The following TBCK variants were observed in gnomAD, a reference collection of about 807,000 sequenced individuals.
TBCK encodes the protein TBC domain-containing protein kinase-like protein.
TBCK carries 99 observed loss-of-function variants against 113.4 expected under a neutral mutation model. The observed-to-expected ratio is 0.87, with a 90% CI of 0.74 to 1.03. The LOEUF (loss-of-function observed/expected upper bound fraction) is 1.03. Among genes scored for constraint, TBCK ranks in the 50% least tolerant of loss-of-function variants. The pLI, the probability that TBCK is intolerant of heterozygous loss-of-function variation, is 0.00. For missense variants in TBCK, 1,045 were observed against 1,061.3 expected, an observed-to-expected ratio of 0.98 and a Z score of 0.21; for synonymous variants, 369 against 370.8, an observed-to-expected ratio of 1.00 and a Z score of 0.05.
At chr4:106,246,574 G>A (rs1760838617) in intron 10 of TBCK, among the ~76,000 whole-genome samples, 1 of 152,042 alleles carries the variant, frequency 6.6e-6, no homozygotes, top group Non-Finnish European at 1.5e-5. Context: ...GCTCAAATGT[G>A]TGTGTTTATG....
chr4:106,271,077 C>CT (rs1763426168), intron 3 of TBCK, among the ~76,000 whole-genome samples: 1 of 152,174 alleles, frequency 6.6e-6, no homozygotes, highest in South Asian at 2.1e-4. Context: ...ATGTAGAACT[C>CT]TGAGTTCTGC....
At chr4:106,073,861 C>T (rs1053396796) in intron 25 of TBCK, among the ~76,000 whole-genome samples, 7 of 152,186 alleles carry the variant, frequency 4.6e-5, no homozygotes, top group African/African-American at 7.2e-5. Context: ...CCTCACAGTT[C>T]GATCTCAGAC....
intron 2 of TBCK, 72 bp from the exon 3 acceptor site, chr4:106,295,238 A>G (rs1204663091): frequency 3.1e-5 from 40 of 1,295,294 alleles, no homozygotes; most frequent in Non-Finnish European, 4.2e-5. Context: ...AATACTCTCC[A>G]CTGATGATAT....
intron 3 of TBCK, among the ~76,000 whole-genome samples, chr4:106,263,294 CA>C (rs2150104904): frequency 6.6e-6 from 1 of 151,694 alleles, no homozygotes; most frequent in South Asian, 2.1e-4. Context: ...AATCCACAAA[CA>C]GGCAGAATAA....
intron 20 of TBCK, among the ~76,000 whole-genome samples, chr4:106,205,157 A>G (rs972640284): frequency 3.3e-5 from 5 of 152,316 alleles, no homozygotes; most frequent in African/African-American, 1.2e-4. Flanking sequence ...TGGAAAGCTA[A>G]TATCTGCCAC....
At chr4:106,046,969 G>A (rs931511018) in intron 25 of TBCK, among the ~76,000 whole-genome samples, 5 of 152,070 alleles carry the variant, frequency 3.3e-5, no homozygotes, top group African/African-American at 7.2e-5. Flanking sequence ...AGTAGTAAAG[G>A]GTATACAATG....
At position 106,230,430 on chromosome 4, in the gene TBCK, A is replaced by G. The variant is rs56312801; in HGVS notation, c.1707T>C (p.Cys569=). The G allele has an allele frequency of 8.5e-3, 13,556 of 1,602,528 alleles. 957 individuals carry two copies. In the African/African-American group the frequency reaches 0.15, roughly 18 times the overall value. Residue 569 remains cysteine, a synonymous_variant, in exon 19 of 26, where the codon TGT becomes TGC. Transcript: ENST00000394708. Reference sequence around the variant, plus strand: ...GGTATTTGGGAATAAAAGCAGACATACATGCATAAGCCAAGGCTAAAAGAG... The same window carrying G: ...GGTATTTGGGAATAAAAGCAGACATGCATGCATAAGCCAAGGCTAAAAGAG... The part of the protein sequence containing the change: ...NFNNEALAYA[C]MSAFIPKYLY...
In TBCK at chr4:106,191,240, G is replaced by A. The variant is rs77551174; in HGVS notation, c.2059+2369C>T. Among the ~76,000 whole-genome samples, 760 of 152,208 alleles carry A rather than the reference G, an allele frequency of 5.0e-3. 10 individuals carry two copies. Among genetic ancestry groups the A allele is most frequent in the African/African-American group, 0.017 (719 of 41,514 alleles). On this transcript the variant is annotated intron_variant, in intron 22 of 25. Coordinates refer to ENST00000394708, the MANE Select transcript of TBCK (RefSeq NM_001163435.3). ...GGATGTGCATAGGTTACATGCAAAG[G>A]GACTTGAGCATTTGTGGATTACAGA...
intron 3 of TBCK, among the ~76,000 whole-genome samples, chr4:106,267,549 C>A (rs1479828230): frequency 3.3e-5 from 5 of 151,794 alleles, no homozygotes; most frequent in African/African-American, 1.2e-4. Flanking sequence ...AAAAATAAAA[C>A]ATAAAAATTT....
chr4:106,316,594 T>G (rs1421886910), upstream of TBCK: 20 of 1,551,388 alleles, frequency 1.3e-5, no homozygotes, highest in Non-Finnish European at 1.7e-5. Flanking sequence ...CTCCGCTTCA[T>G]GTGAGTGACG....
chr4:106,186,116 T>C (rs942670309), intron 22 of TBCK, among the ~76,000 whole-genome samples: 2 of 152,230 alleles, frequency 1.3e-5, no homozygotes, highest in African/African-American at 2.4e-5. Context: ...CACAATTTTC[T>C]TTATGCAGTC....
At chr4:106,162,976 C>A (rs769653260) in intron 23 of TBCK, among the ~76,000 whole-genome samples, 1 of 152,082 alleles carries the variant, frequency 6.6e-6, no homozygotes, top group African/African-American at 2.4e-5. Context: ...ATGGGTTTTT[C>A]TTTTCTTCAC....
chr4:106,130,014 A>AACC (rs1274628779), intron 23 of TBCK, among the ~76,000 whole-genome samples: 1 of 152,228 alleles, frequency 6.6e-6, no homozygotes, highest in Non-Finnish European at 1.5e-5. Context: ...ATCTTCTGGT[A>AACC]ACCACTTATT....
At chr4:106,185,134 T>G (rs1393551647) in intron 22 of TBCK, among the ~76,000 whole-genome samples, 1 of 152,108 alleles carries the variant, frequency 6.6e-6, no homozygotes, top group Non-Finnish European at 1.5e-5. Flanking sequence ...TTCGTATGAT[T>G]GATAATTTGC....
intron 22 of TBCK, among the ~76,000 whole-genome samples, chr4:106,178,658 T>A (rs1284860529): frequency 6.6e-6 from 1 of 152,040 alleles, no homozygotes; most frequent in Non-Finnish European, 1.5e-5. Flanking sequence ...ATTCCTGGGA[T>A]GAATCCCCCT....
chr4:106,042,323 T>C lies in TBCK; in HGVS notation c.*4247A>G, dbSNP rs1357863254. 1 of 152,178 alleles carries C rather than the reference T, an allele frequency of 6.6e-6. No individual in the cohort carries two copies. Among genetic ancestry groups the C allele is most frequent in the Non-Finnish European group, 1.5e-5 (1 of 68,026 alleles). The allele number at this position is 152,178 out of a possible 1,614,324, so 9.4% of individuals were successfully genotyped here. ...AGTCAAGGCAGCAGTCTTCTCTCCT[T>C]GTAGTGGATTTTATTAAATAAGACT... On this transcript the variant is annotated 3_prime_UTR_variant, in exon 26 of 26. Transcript: ENST00000394708.
intron 25 of TBCK, among the ~76,000 whole-genome samples, chr4:106,077,218 C>A (rs1324184885): frequency 6.6e-6 from 1 of 152,186 alleles, no homozygotes; most frequent in East Asian, 1.9e-4. Context: ...CATAAAAACA[C>A]ACTTAAGAAC....
At chr4:106,293,020 T>C (rs1765884449) in intron 3 of TBCK, among the ~76,000 whole-genome samples, 1 of 152,198 alleles carries the variant, frequency 6.6e-6, no homozygotes, top group Non-Finnish European at 1.5e-5. Flanking sequence ...CTGGTGCAGA[T>C]CACCTATCTC....
chr4:106,056,294 A>G (rs924003946), intron 25 of TBCK, among the ~76,000 whole-genome samples: 4 of 148,154 alleles, frequency 2.7e-5, no homozygotes, highest in Non-Finnish European at 6.0e-5. Flanking sequence ...TTGTAGAAAC[A>G]AGGTCTCGCT....
Sources: gnomAD v4.1 joint callset for allele counts (sites outside exome capture counted in the v4.1 genomes callset) on GRCh38, gnomAD v4.1.1 for gene constraint, MANE v1.5 for transcripts, NCBI Gene and HGNC (gene_info 2026-07-23, HGNC 2026-07-21) for gene names.